Variants in PTPRT observed in about 807,000 individuals in gnomAD.
The protein encoded by PTPRT is protein tyrosine phosphatase receptor type T, also known as receptor-type tyrosine-protein phosphatase T.
PTPRT carries 56 observed loss-of-function variants against 176.8 expected under a neutral mutation model. That is an observed-to-expected ratio of 0.32 (90% CI 0.26 to 0.40). The LOEUF (loss-of-function observed/expected upper bound fraction) is 0.40. Among genes scored for constraint, PTPRT ranks in the 10% least tolerant of loss-of-function variants. The pLI, the probability that PTPRT is intolerant of heterozygous loss-of-function variation, is 1.00. For missense variants in PTPRT, 1,540 were observed against 1,908.2 expected (o/e 0.81, Z 3.60); for synonymous variants, 783 against 739.0 (o/e 1.06, Z -0.96).
At chr20:42,868,312 CAGAAACA>C (rs1156844447) in intron 2 of PTPRT, among the ~76,000 whole-genome samples, 1 of 152,108 alleles carries the variant, frequency 6.6e-6, no homozygotes, top group Non-Finnish European at 1.5e-5. Context: ...AGGTCTCTGA[CAGAAACA>C]AGAAATAAGA....
At chr20:42,710,903 C>T (rs1020693266) in intron 6 of PTPRT, among the ~76,000 whole-genome samples, 13 of 152,244 alleles carry the variant, frequency 8.5e-5, no homozygotes, top group African/African-American at 2.9e-4. Context: ...CCACCCCTTG[C>T]ACCAATGTGC....
At chr20:42,115,142 A>G (rs1263593077) in intron 22 of PTPRT, 57 bp downstream of exon 22, 28 of 1,303,674 alleles carry the variant, frequency 2.1e-5, no homozygotes, top group Non-Finnish European at 2.7e-5. Flanking sequence ...GTTCTGGATG[A>G]ACAAACAAGC....
In PTPRT at chr20:43,009,961, C is replaced by T. The variant is rs118112139; in HGVS notation, c.89-124029G>A. ...CCTCCCAGAGCCAGTGTGAACTCAA[C>T]ACATCCAAGGCCAAACTCATCATCT... On this transcript the variant is annotated intron_variant, in intron 1 of 30. Coordinates refer to ENST00000373187, the MANE Select transcript of PTPRT (RefSeq NM_007050.6). Among the ~76,000 whole-genome samples, 372 of 152,238 alleles carry T rather than the reference C, an allele frequency of 2.4e-3. 5 individuals are homozygous for T. In the East Asian group the frequency reaches 0.032, roughly 13 times the overall value.
At chr20:42,408,069 G>T (rs58447223) in intron 9 of PTPRT, among the ~76,000 whole-genome samples, 4,668 of 152,136 alleles carry the variant, frequency 0.031, 79 homozygotes, top group African/African-American at 0.037. Flanking sequence ...ATAAATGTCA[G>T]TCTTCCCAAA....
rs532032716 is a variant in PTPRT, at chr20:42,550,226, A to G, written c.1154-77664T>C. Among the ~76,000 whole-genome samples the G allele has an allele frequency of 3.9e-5, 6 of 152,214 alleles. No homozygotes were observed. In the South Asian group the frequency reaches 1.2e-3, roughly 32 times the overall value. Reference sequence around the variant, plus strand: ...GGGTACGTATGTGACTTTAGGAAGGACAGTGAGAGCCTGCCATTAAAGACT... The same window carrying G: ...GGGTACGTATGTGACTTTAGGAAGGGCAGTGAGAGCCTGCCATTAAAGACT... On this transcript the variant is annotated intron_variant, in intron 7 of 30. Coordinates refer to ENST00000373187, the MANE Select transcript of PTPRT (RefSeq NM_007050.6).
chr20:43,054,673 A>G (rs1356565425), intron 1 of PTPRT, among the ~76,000 whole-genome samples: 1 of 151,626 alleles, frequency 6.6e-6, no homozygotes, highest in Non-Finnish European at 1.5e-5. Flanking sequence ...GAACACACTG[A>G]TCTTTTCTTT....
the PTPRT span, among the ~76,000 whole-genome samples, chr20:42,062,142 C>G: frequency 6.6e-6 from 1 of 152,156 alleles, no homozygotes; most frequent in African/African-American, 2.4e-5. Context: ...TCACATTCCA[C>G]TTCGGCAGGC....
At chr20:43,032,892 G>A (rs367788681) in intron 1 of PTPRT, among the ~76,000 whole-genome samples, 4 of 152,146 alleles carry the variant, frequency 2.6e-5, no homozygotes, top group Non-Finnish European at 4.4e-5. Flanking sequence ...AGATATAAAC[G>A]CATGATGTGC....
intron 2 of PTPRT, among the ~76,000 whole-genome samples, chr20:42,875,484 T>C (rs1163334909): frequency 6.6e-6 from 1 of 152,220 alleles, no homozygotes; most frequent in African/African-American, 2.4e-5. Context: ...TCTTATAATA[T>C]GAGATGTTTT....
chr20:42,950,160 C>T (rs1158415927), intron 1 of PTPRT, among the ~76,000 whole-genome samples: 5 of 152,180 alleles, frequency 3.3e-5, no homozygotes, highest in Non-Finnish European at 7.3e-5. Context: ...AAGAAGAAAG[C>T]CCCCTCCTCA....
At chr20:43,167,684 C>A (rs1258223403) in intron 1 of PTPRT, among the ~76,000 whole-genome samples, 3 of 152,184 alleles carry the variant, frequency 2.0e-5, no homozygotes, top group African/African-American at 7.2e-5. Flanking sequence ...AGCAGATTGT[C>A]TCCCTTGCTC....
intron 7 of PTPRT, among the ~76,000 whole-genome samples, chr20:42,530,940 CA>C (rs1157074503): frequency 6.6e-6 from 1 of 152,310 alleles, no homozygotes; most frequent in East Asian, 1.9e-4. Flanking sequence ...CACAGTGTTC[CA>C]CACCTTGAAC....
chr20:43,083,349 T>TATATAC (rs2011508424), intron 1 of PTPRT, among the ~76,000 whole-genome samples: 15 of 117,364 alleles, frequency 1.3e-4, no homozygotes, highest in South Asian at 2.8e-4. Context: ...TATATATATA[T>TATATAC]ATATATATAT....
At chr20:42,699,685 A>G (rs1322863879) in intron 6 of PTPRT, among the ~76,000 whole-genome samples, 2 of 152,146 alleles carry the variant, frequency 1.3e-5, no homozygotes, top group East Asian at 3.9e-4. Flanking sequence ...TACCCTCTGC[A>G]TTGTGTCAGT....
intron 1 of PTPRT, among the ~76,000 whole-genome samples, chr20:42,943,244 G>A (rs557213859): frequency 6.6e-5 from 10 of 152,260 alleles, no homozygotes; most frequent in East Asian, 1.9e-4. Context: ...AAGATGTCCC[G>A]AGAAGTCCCA....
At chr20:42,204,985 T>TTA (rs371002157) in intron 15 of PTPRT, among the ~76,000 whole-genome samples, 39 of 148,808 alleles carry the variant, frequency 2.6e-4, no homozygotes, top group African/African-American at 7.7e-4. Flanking sequence ...TTTTTTTTTT[T>TTA]TTATTATACT....
intron 1 of PTPRT, among the ~76,000 whole-genome samples, chr20:42,924,559 G>GTAGAGAT (rs1170389191): frequency 5.3e-5 from 8 of 152,182 alleles, no homozygotes; most frequent in African/African-American, 1.9e-4. Flanking sequence ...CTGCCATGAT[G>GTAGAGAT]GCTTAAGCGT....
At chr20:42,629,655 G>A (rs1022460577) in intron 7 of PTPRT, among the ~76,000 whole-genome samples, 15 of 152,132 alleles carry the variant, frequency 9.9e-5, no homozygotes, top group East Asian at 3.9e-4. Flanking sequence ...GGTCTGCTTG[G>A]TACTCAGAGT....
intron 1 of PTPRT, among the ~76,000 whole-genome samples, chr20:43,028,612 T>G (rs570343955): frequency 6.6e-6 from 1 of 152,114 alleles, no homozygotes; most frequent in African/African-American, 2.4e-5. Context: ...ACAAAGCATC[T>G]CTAGAAGTAA....
Sources: allele counts gnomAD v4.1 joint callset (sites outside exome capture counted in the v4.1 genomes callset), GRCh38; gene constraint gnomAD v4.1.1; transcripts MANE v1.5; gene names NCBI Gene and HGNC (gene_info 2026-07-23, HGNC 2026-07-21).